FOXK1: variants seen among roughly 807,000 people sequenced by gnomAD.
FOXK1 encodes forkhead box K1, also known as forkhead box protein K1.
A neutral mutation model predicts 51.9 loss-of-function variants in FOXK1; 19 were observed. The ratio of observed to expected loss-of-function variants is 0.37; its 90% CI spans 0.26 to 0.54. The LOEUF (loss-of-function observed/expected upper bound fraction) is 0.54, where lower values mean the gene tolerates loss of function less well. Among genes scored for constraint, FOXK1 ranks in the 20% least tolerant of loss-of-function variants. The pLI, the probability that FOXK1 is intolerant of heterozygous loss-of-function variation, is 0.87. For synonymous variants in FOXK1, 537 were observed against 482.6 expected, an observed-to-expected ratio of 1.11 and a Z score of -1.48; for missense variants, 870 against 1,032.7, an observed-to-expected ratio of 0.84 and a Z score of 2.16.
chr7:4,759,023 A>G (rs897954907), intron 5 of FOXK1, 28 bp from the exon 6 acceptor site: 4 of 1,555,042 alleles, frequency 2.6e-6, no homozygotes, highest in Non-Finnish European at 3.5e-6. Flanking sequence ...GCGGGCGCTG[A>G]CTGCCGCGGC....
At chr7:4,738,556 A>T (rs1780588672) in intron 1 of FOXK1, among the ~76,000 whole-genome samples, 1 of 152,166 alleles carries the variant, frequency 6.6e-6, no homozygotes, top group Non-Finnish European at 1.5e-5. Context: ...CGTTCCTCTC[A>T]ATGTGACTTA....
In FOXK1 at chr7:4,745,257, G is replaced by A. The variant is rs1370280925; in HGVS notation, c.746+4234G>A. ...TTCGCCTCGCCAGTCCTCATTGGCC[G>A]TGGAGTGGCTGGCTCGGTGTAGGCC... is the stretch of plus-strand genomic sequence containing the variant. On this transcript the variant is annotated intron_variant, in intron 2 of 8. Coordinates refer to ENST00000328914, the MANE Select transcript of FOXK1 (RefSeq NM_001037165.2). The surrounding 1 kb of genome is among the most constrained non-coding windows in gnomAD (Gnocchi z 4.3). Among the ~76,000 whole-genome samples, 3 of 152,202 alleles carry A rather than the reference G, an allele frequency of 2.0e-5. No individual in the cohort carries two copies. The highest frequency in any genetic ancestry group is 1.9e-4 in the East Asian group (1 of 5,180).
intron 1 of FOXK1, among the ~76,000 whole-genome samples, chr7:4,694,407 A>G (rs141249379): frequency 1.1e-3 from 165 of 152,280 alleles, no homozygotes; most frequent in African/African-American, 3.9e-3. Flanking sequence ...CCTTCTCACT[A>G]TAAATCACAG....
In FOXK1 at chr7:4,730,721, C is replaced by T. The variant is rs935896452; in HGVS notation, c.561-10117C>T. On this transcript the variant is annotated intron_variant, in intron 1 of 8. Transcript: ENST00000328914. The surrounding 1 kb of genome is among the most constrained non-coding windows in gnomAD (Gnocchi z 4.7). The stretch of plus-strand genomic sequence containing the variant: ...AGACGTGGTCTCTGCAATAGAGAGG[C>T]GCCTATGGCTGCAGCCACCTGTGTT... 1.3e-5 allele frequency among the ~76,000 whole-genome samples: 2 copies of T among 152,178 alleles called. No individual in the cohort carries two copies. Among genetic ancestry groups the T allele is most frequent in the African/African-American group, 2.4e-5 (1 of 41,432 alleles).
rs1317041870 is a variant in FOXK1, at chr7:4,758,994, C to T, written c.1245-57C>T. 8 of 1,510,216 alleles carry T rather than the reference C, an allele frequency of 5.3e-6. No homozygotes were observed. The highest frequency in any genetic ancestry group is 2.6e-5 in the South Asian group (2 of 77,210). 93.6% of individuals were successfully genotyped at this position (1,510,216 alleles called of 1,614,324 possible). A position where few individuals can be genotyped will look rare whatever the true frequency, so the allele number is the denominator to read the frequency against. On this transcript the variant is annotated intron_variant, in intron 5 of 8. Coordinates refer to ENST00000328914, the MANE Select transcript of FOXK1 (RefSeq NM_001037165.2). This position sits in a 1 kb window ranked among gnomAD's most constrained non-coding sequence, Gnocchi z 4.4. ...GCTGAGATGCGTGATGTCTCGGAAA[C>T]GTCCTCGCATCCCTCAGCGCGGGCG...
chr7:4,702,038 G>A (rs966939717), intron 1 of FOXK1, among the ~76,000 whole-genome samples: 3 of 152,140 alleles, frequency 2.0e-5, no homozygotes, highest in Admixed American at 6.5e-5. Context: ...CTGTACCACT[G>A]CACTCCAGCC....
chr7:4,728,623 G>A (rs1053157848), intron 1 of FOXK1, among the ~76,000 whole-genome samples: 6 of 150,900 alleles, frequency 4.0e-5, no homozygotes, highest in African/African-American at 1.2e-4. Context: ...AGGCGTGGTG[G>A]TGCAAGCCTA....
At chr7:4,751,271 G>A (rs537778241) in intron 2 of FOXK1, among the ~76,000 whole-genome samples, 1 of 146,752 alleles carries the variant, frequency 6.8e-6, no homozygotes, top group South Asian at 2.2e-4. Context: ...CACCCTCCTC[G>A]GGTAATCCCA....
chr7:4,687,239 T>G (rs1450453017), intron 1 of FOXK1, among the ~76,000 whole-genome samples: 1 of 150,910 alleles, frequency 6.6e-6, no homozygotes, highest in African/African-American at 2.4e-5. Flanking sequence ...GCCTTTTTTT[T>G]CCTTTTTACA....
rs1005034128 is a variant in FOXK1 at position 4,703,954 on chromosome 7, C to T, written c.560+21086C>T. 6.6e-6 allele frequency among the ~76,000 whole-genome samples: 1 copy of T among 152,128 alleles called. No individual in the cohort carries two copies. The highest frequency in any genetic ancestry group is 6.5e-5 in the Admixed American group (1 of 15,278). On this transcript the variant is annotated intron_variant, in intron 1 of 8. Coordinates refer to ENST00000328914, the MANE Select transcript of FOXK1 (RefSeq NM_001037165.2). The surrounding 1 kb of genome is among the most constrained non-coding windows in gnomAD (Gnocchi z 5.6). ...AAACCAAACCTGGTGGGAAAAAATG[C>T]GTGTATACGTACCCCTACGTGTGGA...
intron 1 of FOXK1, among the ~76,000 whole-genome samples, chr7:4,699,647 C>T (rs895934039): frequency 6.6e-6 from 1 of 152,106 alleles, no homozygotes; most frequent in South Asian, 2.1e-4. Flanking sequence ...GGATTACAGG[C>T]ATGAGCCACC....
chr7:4,754,711 C>A, intron 3 of FOXK1, 96 bp downstream of exon 3: 1 of 1,425,652 alleles, frequency 7.0e-7, no homozygotes, highest in Non-Finnish European at 9.4e-7. Context: ...GGCCTGCGGG[C>A]GTGTGCTCGA....
chr7:4,739,413 TTTTTG>T (rs1260059977), intron 1 of FOXK1, among the ~76,000 whole-genome samples: 2 of 151,822 alleles, frequency 1.3e-5, no homozygotes, highest in Non-Finnish European at 2.9e-5. Flanking sequence ...TTTGTTTTTG[TTTTTG>T]TTTTGTTTTG....
chr7:4,724,111 C>T (rs1780348190), intron 1 of FOXK1, among the ~76,000 whole-genome samples: 1 of 152,198 alleles, frequency 6.6e-6, no homozygotes, highest in South Asian at 2.1e-4. Context: ...CTCTGAATGG[C>T]TGCGCACCAG....
intron 1 of FOXK1, among the ~76,000 whole-genome samples, chr7:4,738,675 G>T (rs1420573544): frequency 6.6e-6 from 1 of 152,156 alleles, no homozygotes; most frequent in Non-Finnish European, 1.5e-5. Flanking sequence ...GCTGGGCCGT[G>T]CCTCCCAGAC....
chr7:4,709,990 T>C lies in FOXK1; in HGVS notation c.560+27122T>C, dbSNP rs1438355174. 6.6e-6 allele frequency among the ~76,000 whole-genome samples: 1 copy of C among 152,240 alleles called. No individual in the cohort carries two copies. Among genetic ancestry groups the C allele is most frequent in the Non-Finnish European group, 1.5e-5 (1 of 68,038 alleles). ...GGGGTAGAAGAACAGGCAAAATCCA[T>C]GATTTTTAAACGTTAAATTGTGTGG... On this transcript the variant is annotated intron_variant, in intron 1 of 8. Coordinates refer to ENST00000328914, the MANE Select transcript of FOXK1 (RefSeq NM_001037165.2). The surrounding 1 kb of genome is among the most constrained non-coding windows in gnomAD (Gnocchi z 5.6).
intron 1 of FOXK1, among the ~76,000 whole-genome samples, chr7:4,693,943 T>G (rs958456907): frequency 6.6e-6 from 1 of 152,140 alleles, no homozygotes; most frequent in African/African-American, 2.4e-5. Context: ...TACAGTGGCA[T>G]GATCACAGCT....
intron 1 of FOXK1, among the ~76,000 whole-genome samples, chr7:4,739,624 C>T (rs1443628737): frequency 1.3e-5 from 2 of 152,172 alleles, no homozygotes; most frequent in South Asian, 2.1e-4. Context: ...TGCACTTGGT[C>T]GTCTCCAGTA....
intron 1 of FOXK1, among the ~76,000 whole-genome samples, chr7:4,724,197 G>A (rs999098677): frequency 4.0e-5 from 6 of 151,768 alleles, no homozygotes; most frequent in Non-Finnish European, 8.8e-5. Context: ...GGTGGTTGTT[G>A]TTGTTGTTTT....
Sources: gnomAD v4.1 joint callset for allele counts (sites outside exome capture counted in the v4.1 genomes callset) on GRCh38, gnomAD v4.1.1 for gene constraint, Gnocchi (gnomAD v3.1) non-coding constraint, MANE v1.5 for transcripts, NCBI Gene and HGNC (gene_info 2026-07-23, HGNC 2026-07-21) for gene names.